Variants in ERBB4 observed in about 807,000 individuals in gnomAD.
ERBB4 encodes erb-b2 receptor tyrosine kinase 4, also known as receptor tyrosine-protein kinase erbB-4.
Under a neutral mutation model 158.0 loss-of-function variants are expected in ERBB4, and 42 were observed. That is an observed-to-expected ratio of 0.27 (90% CI 0.21 to 0.34). The LOEUF (loss-of-function observed/expected upper bound fraction) is 0.34, where lower values mean the gene tolerates loss of function less well. ERBB4 is among the 10% of genes least tolerant of loss of function. The pLI is 1.00. For missense variants in ERBB4, 1,333 were observed against 1,624.1 expected (o/e 0.82, Z 3.08); for synonymous variants, 583 against 558.7 (o/e 1.04, Z -0.61).
chr2:212,478,381 AG>A (rs1689513616), intron 1 of ERBB4, among the ~76,000 whole-genome samples: 2 of 152,064 alleles, frequency 1.3e-5, no homozygotes, highest in Non-Finnish European at 2.9e-5. Flanking sequence ...ATTCTCTTTC[AG>A]CTATTTGAAC....
intron 17 of ERBB4, 75 bp from the exon 18 acceptor site, chr2:211,624,119 C>T (rs2069744233): frequency 1.3e-6 from 2 of 1,571,710 alleles, no homozygotes; most frequent in Non-Finnish European, 1.7e-6. Context: ...CTCTCTCTCT[C>T]TCTCTTTGGT....
rs1175725784 is a variant in ERBB4 at position 212,191,976 on chromosome 2, A to ATATATGT, written c.83-67080_83-67074dup. On this transcript the variant is annotated intron_variant, in intron 1 of 27. Coordinates refer to ENST00000342788, the MANE Select transcript of ERBB4 (RefSeq NM_005235.3). ...ATATATGTTATATATGTTATATGTT[A>ATATATGT]TATATGTTATATGTTATATATGTTA... Among the ~76,000 whole-genome samples, 147 of 103,984 alleles carry ATATATGT rather than the reference A, an allele frequency of 1.4e-3. 2 individuals carry two copies. Among genetic ancestry groups the ATATATGT allele is most frequent in the Admixed American group, 0.014 (109 of 7,790 alleles). 68.2% of individuals were successfully genotyped at this position (103,984 alleles called of 152,430 possible).
chr2:212,472,678 A>G (rs1181232509), intron 1 of ERBB4, among the ~76,000 whole-genome samples: 3 of 151,866 alleles, frequency 2.0e-5, no homozygotes, highest in Non-Finnish European at 4.4e-5. Flanking sequence ...ACTCTACAAC[A>G]CTTTTTAAAT....
rs73079332 is a variant in ERBB4 at position 211,954,462 on chromosome 2, G to T, written c.235-6846C>A. 4.9e-3 allele frequency among the ~76,000 whole-genome samples: 742 copies of T among 151,762 alleles called. 8 individuals carry two copies. Among genetic ancestry groups the T allele is most frequent in the African/African-American group, 0.017 (700 of 41,468 alleles). ...AAAACCTTCTGTAATCAGTCAAAAA[G>T]ATCCAAATTCTTAACTTCTACTCCA... On this transcript the variant is annotated intron_variant, in intron 2 of 27. Transcript: ENST00000342788.
chr2:212,179,944 T>C (rs2081803830), intron 1 of ERBB4, among the ~76,000 whole-genome samples: 2 of 151,776 alleles, frequency 1.3e-5, no homozygotes, highest in South Asian at 2.1e-4. Flanking sequence ...ATGTGAATAA[T>C]AGATGATAAA....
At chr2:212,060,623 T>C (rs1287251419) in intron 2 of ERBB4, among the ~76,000 whole-genome samples, 3 of 63,314 alleles carry the variant, frequency 4.7e-5, no homozygotes, top group Non-Finnish European at 1.4e-4. Flanking sequence ...TGCAATACTA[T>C]GCAGCCATAA....
intron 1 of ERBB4, among the ~76,000 whole-genome samples, chr2:212,163,969 A>G (rs999723827): frequency 1.3e-5 from 2 of 151,700 alleles, no homozygotes; most frequent in Non-Finnish European, 2.9e-5. Context: ...TTTTTAAATT[A>G]TTTTTATTTT....
intron 1 of ERBB4, among the ~76,000 whole-genome samples, chr2:212,443,530 T>C (rs2092294560): frequency 6.6e-6 from 1 of 152,204 alleles, no homozygotes; most frequent in African/African-American, 2.4e-5. Context: ...TAGGCCTATA[T>C]GGATTTTGGA....
At chr2:211,616,236 G>A (rs2069385127) in intron 19 of ERBB4, among the ~76,000 whole-genome samples, 1 of 152,040 alleles carries the variant, frequency 6.6e-6, no homozygotes, top group African/African-American at 2.4e-5. Flanking sequence ...TGAGGTGTAT[G>A]TCCTACACTG....
chr2:211,635,879 A>G (rs1435842008), intron 16 of ERBB4, among the ~76,000 whole-genome samples: 2 of 152,044 alleles, frequency 1.3e-5, no homozygotes, highest in Non-Finnish European at 2.9e-5. Flanking sequence ...TTTTTTGAAT[A>G]CAGAATAATT....
intron 1 of ERBB4, among the ~76,000 whole-genome samples, chr2:212,379,827 G>A (rs1011669877): frequency 1.3e-4 from 19 of 151,364 alleles, no homozygotes; most frequent in Admixed American, 7.9e-4. Context: ...GTATGTGTGT[G>A]TGTGTCTGTG....
intron 19 of ERBB4, among the ~76,000 whole-genome samples, chr2:211,593,532 C>A (rs2068539134): frequency 6.6e-6 from 1 of 152,152 alleles, no homozygotes; most frequent in Non-Finnish European, 1.5e-5. Flanking sequence ...ATTTCTTAAG[C>A]TTTTACTCTC....
chr2:212,393,138 G>A (rs1252257531), intron 1 of ERBB4, among the ~76,000 whole-genome samples: 1 of 151,978 alleles, frequency 6.6e-6, no homozygotes, highest in Non-Finnish European at 1.5e-5. Flanking sequence ...ACTTGGGCCT[G>A]TTCAAATTAT....
At chr2:211,890,005 C>T (rs1231134002) in intron 3 of ERBB4, among the ~76,000 whole-genome samples, 2 of 98,200 alleles carry the variant, frequency 2.0e-5, no homozygotes, top group South Asian at 7.7e-4. Context: ...AGGAGAACTT[C>T]CCCAATCTAG....
Position 211,974,622 on chromosome 2 carries a change from G to A in ERBB4, c.235-27006C>T, listed in dbSNP as rs894127081. Reference sequence around the variant, plus strand: ...AAATCTTTATTGGCCAGGAGCAATGGCTCACACCTCTACTCCATATACTTT... The same window carrying A: ...AAATCTTTATTGGCCAGGAGCAATGACTCACACCTCTACTCCATATACTTT... On this transcript the variant is annotated intron_variant, in intron 2 of 27. Transcript: ENST00000342788. 2.6e-5 allele frequency among the ~76,000 whole-genome samples: 4 copies of A among 152,096 alleles called. No homozygotes were observed. The South Asian group carries it at 6.2e-4, about 24-fold the overall frequency.
intron 2 of ERBB4, 144 bp downstream of exon 2, chr2:212,124,608 C>T (rs1450908586): frequency 3.5e-6 from 3 of 854,774 alleles, no homozygotes; most frequent in Non-Finnish European, 5.7e-6. Context: ...GGGTGCGTTT[C>T]GCTATCTCTT....
At chr2:212,055,374 G>C (rs562058386) in intron 2 of ERBB4, among the ~76,000 whole-genome samples, 38 of 152,292 alleles carry the variant, frequency 2.5e-4, no homozygotes, top group African/African-American at 8.7e-4. Context: ...TCTGGGGGCA[G>C]GGCATAGCCA....
intron 20 of ERBB4, among the ~76,000 whole-genome samples, chr2:211,557,038 C>T (rs1024950273): frequency 6.6e-6 from 1 of 152,082 alleles, no homozygotes; most frequent in African/African-American, 2.4e-5. Context: ...ATAAATGGGG[C>T]TGTAATAACA....
chr2:211,623,212 T>G (rs2069703978), intron 18 of ERBB4, among the ~76,000 whole-genome samples: 1 of 151,084 alleles, frequency 6.6e-6, no homozygotes, highest in Non-Finnish European at 1.5e-5. Context: ...GGCAAATAAG[T>G]AAACATACAC....
Sources: allele counts gnomAD v4.1 joint callset (sites outside exome capture counted in the v4.1 genomes callset), GRCh38; gene constraint gnomAD v4.1.1; transcripts MANE v1.5; gene names NCBI Gene and HGNC (gene_info 2026-07-23, HGNC 2026-07-21).